LCOR: variants seen among roughly 807,000 people sequenced by gnomAD.
The protein encoded by LCOR is ligand dependent nuclear receptor corepressor, also known as ligand-dependent corepressor.
Under a neutral mutation model 64.4 loss-of-function variants are expected in LCOR, and 14 were observed. That is an observed-to-expected ratio of 0.22 (90% CI 0.14 to 0.34). LCOR has a LOEUF of 0.34. Ranked by LOEUF, LCOR falls within the 10% of genes least tolerant of loss-of-function variation. LCOR has a pLI of 1.00. For synonymous variants in LCOR, 643 were observed against 642.5 expected (o/e 1.00, Z -0.01); for missense variants, 1,686 against 1,765.3 (o/e 0.96, Z 0.80).
chr10:96,890,219 C>A lies in LCOR; in HGVS notation c.-329-17046C>A, dbSNP rs542646505. ...CTGGAGTGAAGTGATCCTCTCACCT[C>A]AGTCTAGGACTACGTACCACATCTG... On this transcript the variant is annotated intron_variant, in intron 2 of 7. Transcript: ENST00000421806. 5.3e-5 allele frequency among the ~76,000 whole-genome samples: 8 copies of A among 152,194 alleles called. No homozygotes were observed. The South Asian group carries it at 1.7e-3, about 32-fold the overall frequency.
In LCOR at chr10:96,982,010, G is replaced by A. The variant is rs758284781; in HGVS notation, c.1550G>A (p.Arg517His). Residue 517 changes from arginine (R) to histidine (H), a missense_variant, in exon 8 of 8, where the codon CGT becomes CAT. Physicochemically the swap from Arg to His is conservative, Grantham distance 29 (BLOSUM62 0). This residue lies in a region of LCOR where 1,293 missense variants were observed against 1,410.4 expected (regional missense o/e 0.92). Coordinates refer to ENST00000421806, the MANE Select transcript of LCOR (RefSeq NM_001346516.2). ...GACTGTTGTGAGCTGCCAACTGTTC[G>A]TACACTGGCCAGAAATTTACACTCC... ...NGDCCELPTV[R>H]TLARNLHSQE... 8.1e-6 allele frequency: 13 copies of A among 1,613,936 alleles called. No individual in the cohort carries two copies. The highest frequency in any genetic ancestry group is 1.3e-5 in the African/African-American group (1 of 75,002).
chr10:96,842,636 T>TC (rs1219336641), intron 2 of LCOR, among the ~76,000 whole-genome samples: 4 of 149,140 alleles, frequency 2.7e-5, no homozygotes, highest in Non-Finnish European at 4.5e-5. Context: ...TCTTTTCTTT[T>TC]TTTTTTTTTT....
At chr10:96,882,739 C>T (rs1846283125) in intron 2 of LCOR, among the ~76,000 whole-genome samples, 1 of 152,192 alleles carries the variant, frequency 6.6e-6, no homozygotes, top group South Asian at 2.1e-4. Flanking sequence ...GTTTATCCCT[C>T]CTCTTGCCTA....
Position 96,916,605 on chromosome 10 carries a change from A to C in LCOR, c.-184+8858A>C, listed in dbSNP as rs1038083762. On this transcript the variant is annotated intron_variant, in intron 4 of 7. Transcript: ENST00000421806. ...TTAAAGGCTATATATATATATATAT[A>C]TCTATATATATGATTATTTATTTTT... Among the ~76,000 whole-genome samples the C allele has an allele frequency of 6.0e-5, 9 of 148,856 alleles. No homozygotes were observed. In the South Asian group the frequency reaches 8.5e-4, roughly 14 times the overall value.
chr10:96,940,469 G>A (rs1297277619), intron 4 of LCOR, among the ~76,000 whole-genome samples: 3 of 121,716 alleles, frequency 2.5e-5, no homozygotes, highest in African/African-American at 6.2e-5. Context: ...GCGGCCTTCC[G>A]CAGTGTTTGT....
intron 2 of LCOR, among the ~76,000 whole-genome samples, chr10:96,892,798 C>T (rs1846468856): frequency 6.6e-6 from 1 of 152,118 alleles, no homozygotes; most frequent in Admixed American, 6.6e-5. Flanking sequence ...TTTTCTTTCA[C>T]CTTCAACCTC....
intron 2 of LCOR, among the ~76,000 whole-genome samples, chr10:96,884,567 G>C (rs1284547293): frequency 1.3e-5 from 2 of 152,104 alleles, no homozygotes; most frequent in East Asian, 1.9e-4. Flanking sequence ...TCAAACTTCA[G>C]TAAACATAAG....
rs537803506 is a variant in LCOR at position 96,860,979 on chromosome 10, C to T, written c.-330+27500C>T. ...AAGGACAGTTAGTATTTTGGTGAGT[C>T]TAAGCAAAAAGTTAATAACTTGAAC... On this transcript the variant is annotated intron_variant, in intron 2 of 7. Transcript: ENST00000421806. Among the ~76,000 whole-genome samples, 18 of 152,206 alleles carry T rather than the reference C, an allele frequency of 1.2e-4. No individual in the cohort carries two copies. In the South Asian group the frequency reaches 1.7e-3, roughly 14 times the overall value.
intron 4 of LCOR, among the ~76,000 whole-genome samples, chr10:96,913,893 G>GA: frequency 6.7e-6 from 1 of 149,586 alleles, no homozygotes; most frequent in South Asian, 2.1e-4. Context: ...GACACACACA[G>GA]ACTGTCTGGA....
At chr10:96,853,799 G>A (rs570443912) in intron 2 of LCOR, among the ~76,000 whole-genome samples, 1 of 152,314 alleles carries the variant, frequency 6.6e-6, no homozygotes, top group East Asian at 1.9e-4. Flanking sequence ...AATTGACTCA[G>A]TTTGTCATGG....
In LCOR at chr10:96,985,098, T is replaced by A; in HGVS notation, c.4638T>A (p.Cys1546Ter). ...RKRKLKAKLDCSHSKRRRLDA... is the reference protein window; with the variant it reads ...RKRKLKAKLD Reference sequence around the variant, plus strand: ...GAAAGCTGAAGGCAAAGCTGGACTGTTCGCACAGCAAACGGAGGCGGCTGG... The same window carrying A: ...GAAAGCTGAAGGCAAAGCTGGACTGATCGCACAGCAAACGGAGGCGGCTGG... Residue 1546 changes from cysteine (C) to a stop codon, truncating the protein, a stop_gained, in exon 8 of 8, where the codon TGT becomes TGA. Transcript: ENST00000421806. LOFTEE classifies it high-confidence loss of function. 6.2e-7 allele frequency: 1 copy of A among 1,604,946 alleles called. No homozygotes were observed. Among genetic ancestry groups the A allele is most frequent in the Non-Finnish European group, 8.5e-7 (1 of 1,177,288 alleles).
chr10:96,976,976 C>T (rs1011240429), intron 7 of LCOR, among the ~76,000 whole-genome samples: 1 of 152,218 alleles, frequency 6.6e-6, no homozygotes, highest in Non-Finnish European at 1.5e-5. Context: ...TATTTCTTCA[C>T]CCTCTTCACT....
intron 2 of LCOR, among the ~76,000 whole-genome samples, chr10:96,841,418 TG>T (rs1484445071): frequency 4.0e-5 from 6 of 149,840 alleles, no homozygotes; most frequent in Non-Finnish European, 7.4e-5. Flanking sequence ...TGGAGTGCAG[TG>T]GCACAATCTC....
intron 2 of LCOR, among the ~76,000 whole-genome samples, chr10:96,869,857 A>G (rs975542262): frequency 2.6e-5 from 4 of 151,378 alleles, no homozygotes; most frequent in Non-Finnish European, 4.4e-5. Context: ...TTACAGGCAT[A>G]AGCCACTGTG....
intron 2 of LCOR, among the ~76,000 whole-genome samples, chr10:96,882,475 A>T (rs796311170): frequency 5.9e-5 from 9 of 152,328 alleles, no homozygotes; most frequent in African/African-American, 2.2e-4. Context: ...AAAATTGAGC[A>T]GAAAGTAGTG....
chr10:96,909,435 A>G (rs887024657), intron 4 of LCOR, among the ~76,000 whole-genome samples: 8 of 152,206 alleles, frequency 5.3e-5, no homozygotes, highest in Non-Finnish European at 1.2e-4. Flanking sequence ...AGCCTTTCAC[A>G]CTGTTGTCAA....
chr10:96,957,840 C>T, intron 7 of LCOR: 1 of 985,782 alleles, frequency 1.0e-6, no homozygotes, highest in Non-Finnish European at 1.2e-6. Context: ...TTTTGTGTAG[C>T]AGTTTAATCA....
rs574376978 is a variant in LCOR at position 96,991,987 on chromosome 10, C to A, written c.*6853C>A. 4.6e-5 allele frequency: 7 copies of A among 152,144 alleles called. No individual in the cohort carries two copies. In the East Asian group the frequency reaches 1.3e-3, roughly 29 times the overall value. The allele number at this position is 152,144 out of a possible 1,614,324, so 9.4% of individuals were successfully genotyped here. ...GTTTAAATGCTATTCAATTTATCCACTTTTTTTTAAACCCCAGTTTTCTGT... is the reference window on the plus strand; with the variant it reads ...GTTTAAATGCTATTCAATTTATCCAATTTTTTTTAAACCCCAGTTTTCTGT... On this transcript the variant is annotated 3_prime_UTR_variant, in exon 8 of 8. Transcript: ENST00000421806.
intron 2 of LCOR, among the ~76,000 whole-genome samples, chr10:96,893,762 C>CAA (rs376847220): frequency 0.046 from 4,308 of 94,466 alleles, 143 homozygotes; most frequent in African/African-American, 0.11. Context: ...GACTCTGTTT[C>CAA]AAAAAAAAAA....
Sources: allele counts gnomAD v4.1 joint callset (sites outside exome capture counted in the v4.1 genomes callset), GRCh38; gene constraint gnomAD v4.1.1; regional missense constraint gnomAD v4.1.1; transcripts MANE v1.5; gene names NCBI Gene and HGNC (gene_info 2026-07-23, HGNC 2026-07-21).